Variants in MET observed in about 807,000 individuals in gnomAD.
MET encodes MET proto-oncogene, receptor tyrosine kinase.
MET carries 48 observed loss-of-function variants against 133.1 expected under a neutral mutation model. The observed-to-expected ratio is 0.36, with a 90% CI of 0.29 to 0.46. The LOEUF is 0.46. MET is among the 20% of genes least tolerant of loss of function. The pLI is 1.00. For missense variants in MET, 1,442 were observed against 1,695.9 expected, an observed-to-expected ratio of 0.85 and a Z score of 2.63; for synonymous variants, 628 against 616.5, an observed-to-expected ratio of 1.02 and a Z score of -0.28.
chr7:116,717,883 C>A (rs912813090), intron 2 of MET, among the ~76,000 whole-genome samples: 3 of 152,026 alleles, frequency 2.0e-5, no homozygotes, highest in Non-Finnish European at 4.4e-5. Context: ...AGATATATAG[C>A]ACTTCAATTT....
chr7:116,716,285 GA>G (rs1371381262), intron 2 of MET, among the ~76,000 whole-genome samples: 337 of 5,052 alleles, frequency 0.067, 3 homozygotes, highest in African/African-American at 0.12. Context: ...GGGAGAGAGG[GA>G]GAGAGAGAGA....
At chr7:116,772,253 C>G (rs1794860153) in intron 14 of MET, among the ~76,000 whole-genome samples, 1 of 152,158 alleles carries the variant, frequency 6.6e-6, no homozygotes, top group Non-Finnish European at 1.5e-5. Context: ...TGTTTATCAT[C>G]TAAGTGCAAT....
intron 19 of MET, among the ~76,000 whole-genome samples, chr7:116,792,470 C>T (rs1029878661): frequency 1.9e-4 from 27 of 144,108 alleles, no homozygotes; most frequent in Non-Finnish European, 3.4e-4. Flanking sequence ...CACACACACA[C>T]ACACACACAC....
chr7:116,701,522 C>T (rs1021607286), intron 2 of MET, among the ~76,000 whole-genome samples: 4 of 152,080 alleles, frequency 2.6e-5, no homozygotes, highest in African/African-American at 9.7e-5. Flanking sequence ...GAAAATACTT[C>T]CAAGAAAGTC....
chr7:116,755,028 G>GAAAGAAAGAAAGAA (rs1794119967), intron 5 of MET, among the ~76,000 whole-genome samples: 3 of 151,260 alleles, frequency 2.0e-5, no homozygotes, highest in Non-Finnish European at 4.4e-5. Flanking sequence ...AAGAAAGAAA[G>GAAAGAAAGAAAGAA]AAAGAAAGAA....
At chr7:116,778,657 C>A (rs1204974833) in intron 16 of MET, 119 bp from the exon 17 acceptor site, 4 of 1,075,412 alleles carry the variant, frequency 3.7e-6, no homozygotes, top group East Asian at 2.5e-5. Flanking sequence ...TGCAGTCAAA[C>A]CCTCAGGACA....
chr7:116,682,616 G>A lies in MET; in HGVS notation c.-15+10039G>A, dbSNP rs536068548. On this transcript the variant is annotated intron_variant, in intron 1 of 20. Coordinates refer to ENST00000397752, the MANE Select transcript of MET (RefSeq NM_000245.4). ...ATGTAACCATTTAATGCCCAAACCT[G>A]CCTACTGACAGTGAAGACGTTCAAT... 2.0e-5 allele frequency among the ~76,000 whole-genome samples: 3 copies of A among 152,268 alleles called. No individual in the cohort carries two copies. In the East Asian group the frequency reaches 5.8e-4, roughly 29 times the overall value.
chr7:116,720,692 T>C (rs1012428580), intron 2 of MET, among the ~76,000 whole-genome samples: 2 of 140,772 alleles, frequency 1.4e-5, no homozygotes, highest in African/African-American at 5.4e-5. Context: ...GTTTTTAACA[T>C]GAAGGGTTGT....
chr7:116,729,843 C>A (rs551600216), intron 2 of MET, among the ~76,000 whole-genome samples: 3 of 152,220 alleles, frequency 2.0e-5, no homozygotes, highest in South Asian at 2.1e-4. Flanking sequence ...ATACTCATCC[C>A]CCATCTACTT....
intron 2 of MET, among the ~76,000 whole-genome samples, chr7:116,704,515 T>A (rs1418767454): frequency 6.6e-6 from 1 of 152,132 alleles, no homozygotes; most frequent in Non-Finnish European, 1.5e-5. Flanking sequence ...TTCAAATGAT[T>A]GGATTATTCT....
intron 2 of MET, among the ~76,000 whole-genome samples, chr7:116,705,905 G>GC (rs1255958255): frequency 1.3e-5 from 2 of 151,722 alleles, no homozygotes; most frequent in Non-Finnish European, 2.9e-5. Flanking sequence ...ATTTTGTAAC[G>GC]CCCCCTGAGA....
intron 17 of MET, among the ~76,000 whole-genome samples, chr7:116,780,550 T>C (rs1795127581): frequency 6.6e-6 from 1 of 152,212 alleles, no homozygotes; most frequent in South Asian, 2.1e-4. Context: ...TCTAGGGTAC[T>C]GTTACCCCAG....
intron 5 of MET, among the ~76,000 whole-genome samples, chr7:116,741,293 C>T (rs1225219480): frequency 6.6e-6 from 1 of 152,154 alleles, no homozygotes; most frequent in South Asian, 2.1e-4. Flanking sequence ...TAGGTTCTAT[C>T]GCTGGGCAGC....
intron 11 of MET, among the ~76,000 whole-genome samples, chr7:116,764,872 T>C (rs1010890664): frequency 1.6e-4 from 24 of 152,182 alleles, no homozygotes; most frequent in African/African-American, 5.8e-4. Context: ...AGGGAGATTA[T>C]TTTAGTATCA....
intron 19 of MET, among the ~76,000 whole-genome samples, chr7:116,783,757 A>G (rs1461386436): frequency 6.6e-6 from 1 of 152,230 alleles, no homozygotes; most frequent in Non-Finnish European, 1.5e-5. Flanking sequence ...AGAAGGGAAG[A>G]GATGAGATGG....
intron 5 of MET, among the ~76,000 whole-genome samples, chr7:116,742,343 A>G (rs1266208625): frequency 6.6e-6 from 1 of 152,222 alleles, no homozygotes; most frequent in Non-Finnish European, 1.5e-5. Flanking sequence ...TTAAATCTAT[A>G]CTGTAGTATT....
chr7:116,694,781 G>C (rs1276658520), intron 1 of MET, among the ~76,000 whole-genome samples: 1 of 152,064 alleles, frequency 6.6e-6, no homozygotes, highest in East Asian at 1.9e-4. Context: ...CCAATTCCCT[G>C]GTTCAAGAGA....
intron 17 of MET, among the ~76,000 whole-genome samples, chr7:116,779,561 TC>T (rs2117051675): frequency 6.6e-6 from 1 of 152,266 alleles, no homozygotes; most frequent in South Asian, 2.1e-4. Context: ...TCTTCCCTGC[TC>T]TATTTTCCCC....
At chr7:116,782,619 C>A (rs372516956) in intron 18 of MET, among the ~76,000 whole-genome samples, 1 of 152,176 alleles carries the variant, frequency 6.6e-6, no homozygotes, top group Non-Finnish European at 1.5e-5. Context: ...TTCATGTTTT[C>A]CCTTGCATAG....
Sources: gnomAD v4.1 joint callset for allele counts (sites outside exome capture counted in the v4.1 genomes callset) on GRCh38, gnomAD v4.1.1 for gene constraint, MANE v1.5 for transcripts, NCBI Gene and HGNC (gene_info 2026-07-23, HGNC 2026-07-21) for gene names.